Variants in VPS50 observed in about 807,000 individuals in gnomAD.
The protein encoded by VPS50 is syndetin.
Under a neutral mutation model 139.7 loss-of-function variants are expected in VPS50, and 70 were observed. The ratio of observed to expected loss-of-function variants is 0.50; its 90% CI spans 0.41 to 0.61. VPS50 has a LOEUF of 0.61. VPS50 is among the 20% of genes least tolerant of loss of function. The pLI, the probability that VPS50 is intolerant of heterozygous loss-of-function variation, is 0.00. For missense variants in VPS50, 921 were observed against 1,133.7 expected (o/e 0.81, Z 2.69); for synonymous variants, 365 against 376.7 (o/e 0.97, Z 0.36).
At chr7:93,292,893 C>T (rs979366652) in intron 13 of VPS50, among the ~76,000 whole-genome samples, 5 of 152,070 alleles carry the variant, frequency 3.3e-5, no homozygotes, top group Admixed American at 6.6e-5. Context: ...GCCAGGATTC[C>T]AGGTCAGACT....
chr7:93,248,255 A>G (rs187189461), intron 2 of VPS50, among the ~76,000 whole-genome samples: 1 of 152,012 alleles, frequency 6.6e-6, no homozygotes, highest in East Asian at 1.9e-4. Context: ...TTTGGTATTC[A>G]TTTCCCCCAA....
In VPS50 at chr7:93,334,128, TG is replaced by T; in HGVS notation, c.1991del (p.Gly664AspfsTer9). The T allele has an allele frequency of 6.3e-7, 1 of 1,589,684 alleles. No homozygotes were observed. Among genetic ancestry groups the T allele is most frequent in the Non-Finnish European group, 8.6e-7 (1 of 1,162,158 alleles). ...FGRNDSLEST[G>X]LGLSSSRLRT... ...TTTTTCTTTTTCAGTTGGAATCAAC[TG>T]GACTCGGCCTTAGTAGTAGTAGACT... On this transcript the variant is annotated frameshift_variant, in exon 22 of 28. Transcript: ENST00000305866. LOFTEE classifies it high-confidence loss of function.
At chr7:93,283,873 C>T (rs1364507398) in intron 12 of VPS50, among the ~76,000 whole-genome samples, 4 of 152,050 alleles carry the variant, frequency 2.6e-5, no homozygotes, top group African/African-American at 7.2e-5. Context: ...TTGGTTTAAC[C>T]GGATTTTTTA....
chr7:93,249,772 T>C (rs780134829), intron 2 of VPS50, among the ~76,000 whole-genome samples: 41 of 152,288 alleles, frequency 2.7e-4, no homozygotes, highest in African/African-American at 8.2e-4. Context: ...TGTGGACTTT[T>C]AGGGAAAGAG....
rs1252911986 is a variant in VPS50 at position 93,358,918 on chromosome 7, T to C, written c.*482T>C. 6.5e-6 allele frequency: 1 copy of C among 152,976 alleles called. No homozygotes were observed. Among genetic ancestry groups the C allele is most frequent in the African/African-American group, 2.4e-5 (1 of 41,428 alleles). The allele number at this position is 152,976 out of a possible 1,614,324, so 9.5% of individuals were successfully genotyped here. A position where few individuals can be genotyped will look rare whatever the true frequency, so the allele number is the denominator to read the frequency against. ...GTAAGTAAAATAGTTGAAAAATCAGTATGTTCTCTGTTTTTAAAATGTCAA... is the reference window on the plus strand; with the variant it reads ...GTAAGTAAAATAGTTGAAAAATCAGCATGTTCTCTGTTTTTAAAATGTCAA... On this transcript the variant is annotated 3_prime_UTR_variant, in exon 28 of 28. Coordinates refer to ENST00000305866, the MANE Select transcript of VPS50 (RefSeq NM_017667.4).
intron 21 of VPS50, among the ~76,000 whole-genome samples, chr7:93,324,894 C>A (rs1337933477): frequency 3.3e-5 from 5 of 152,114 alleles, no homozygotes; most frequent in Non-Finnish European, 5.9e-5. Context: ...AGATTCAATG[C>A]CATCCCCATC....
chr7:93,249,570 T>C (rs561360186), intron 2 of VPS50, among the ~76,000 whole-genome samples: 1 of 152,310 alleles, frequency 6.6e-6, no homozygotes, highest in East Asian at 1.9e-4. Context: ...GCTCTATTTC[T>C]GATTTAAAAA....
At chr7:93,350,568 G>C (rs1798528269) in intron 25 of VPS50, among the ~76,000 whole-genome samples, 1 of 152,116 alleles carries the variant, frequency 6.6e-6, no homozygotes, top group African/African-American at 2.4e-5. Flanking sequence ...TGATAGAAGT[G>C]CTGGCAGTAT....
chr7:93,328,188 T>A (rs989978681), intron 21 of VPS50, among the ~76,000 whole-genome samples: 1 of 152,202 alleles, frequency 6.6e-6, no homozygotes, highest in African/African-American at 2.4e-5. Flanking sequence ...CTTTCCATTG[T>A]TCACCTCTTA....
intron 2 of VPS50, among the ~76,000 whole-genome samples, chr7:93,248,690 C>T (rs545171775): frequency 3.3e-5 from 5 of 152,138 alleles, no homozygotes; most frequent in East Asian, 1.9e-4. Flanking sequence ...TGTGGAGCAG[C>T]GTGATGGAGA....
At chr7:93,289,203 A>G (rs1481335201) in intron 12 of VPS50, among the ~76,000 whole-genome samples, 1 of 152,116 alleles carries the variant, frequency 6.6e-6, no homozygotes, top group Non-Finnish European at 1.5e-5. Context: ...ATTGGTGAGA[A>G]TCTTTGAGAT....
At chr7:93,335,834 A>G (rs985029974) in intron 22 of VPS50, among the ~76,000 whole-genome samples, 11 of 152,196 alleles carry the variant, frequency 7.2e-5, no homozygotes, top group African/African-American at 2.4e-4. Context: ...CATCCCTGCT[A>G]GCTACTATCT....
intron 13 of VPS50, among the ~76,000 whole-genome samples, chr7:93,292,087 G>A (rs1336791780): frequency 6.6e-6 from 1 of 151,930 alleles, no homozygotes; most frequent in Non-Finnish European, 1.5e-5. Context: ...GATGGCTTTA[G>A]GACTGAATTT....
intron 16 of VPS50, among the ~76,000 whole-genome samples, chr7:93,298,814 T>C (rs1562875119): frequency 6.6e-6 from 1 of 152,210 alleles, no homozygotes; most frequent in Admixed American, 6.5e-5. Context: ...TTATTTCTCA[T>C]TGATGTGGCT....
intron 22 of VPS50, among the ~76,000 whole-genome samples, chr7:93,340,127 A>G (rs1193945506): frequency 2.6e-5 from 4 of 152,308 alleles, no homozygotes; most frequent in Admixed American, 2.6e-4. Context: ...CTGCAGTGTC[A>G]CTACCTTGAC....
intron 21 of VPS50, among the ~76,000 whole-genome samples, chr7:93,324,926 A>G (rs1797724901): frequency 6.6e-6 from 1 of 152,168 alleles, no homozygotes; most frequent in African/African-American, 2.4e-5. Flanking sequence ...GACTTTCTTC[A>G]CAGAATTGGA....
chr7:93,240,028 C>T, intron 2 of VPS50, 94 bp downstream of exon 2: 1 of 772,510 alleles, frequency 1.3e-6, no homozygotes, highest in South Asian at 1.5e-5. Context: ...CTTTTCTTTC[C>T]CACAGGCAGA....
At chr7:93,237,600 TA>T (rs1452240066) in intron 1 of VPS50, among the ~76,000 whole-genome samples, 2 of 152,226 alleles carry the variant, frequency 1.3e-5, no homozygotes. Flanking sequence ...AAATATGATA[TA>T]TTTCTTCAGG....
chr7:93,317,604 G>A (rs1797467512), intron 20 of VPS50, among the ~76,000 whole-genome samples: 2 of 152,126 alleles, frequency 1.3e-5, no homozygotes, highest in African/African-American at 4.8e-5. Flanking sequence ...CACTCCCAGA[G>A]TATCTGATTC....
Sources: gnomAD v4.1 joint callset for allele counts (sites outside exome capture counted in the v4.1 genomes callset) on GRCh38, gnomAD v4.1.1 for gene constraint, MANE v1.5 for transcripts, NCBI Gene and HGNC (gene_info 2026-07-23, HGNC 2026-07-21) for gene names.